The following MAP3K15 variants were observed in gnomAD, a reference collection of about 807,000 sequenced individuals.
MAP3K15 encodes the protein MAPK/ERK kinase kinase 15.
In MAP3K15, 124 loss-of-function variants were observed where a neutral mutation model predicts 99.5. The observed-to-expected ratio is 1.25, with a 90% CI of 1.08 to 1.45. The LOEUF is 1.45. MAP3K15 is among the 40% of genes most tolerant of loss of function. The pLI is 0.00. For synonymous variants in MAP3K15, 494 were observed against 439.6 expected, an observed-to-expected ratio of 1.12 and a Z score of -1.55; for missense variants, 1,242 against 1,079.7, an observed-to-expected ratio of 1.15 and a Z score of -2.11.
At chrX:19,391,674 CAAAAAAAAAA>C (rs759061873) in intron 18 of MAP3K15, among the ~76,000 whole-genome samples, 4 of 28,515 alleles carry the variant, frequency 1.4e-4, no homozygotes, top group East Asian at 2.4e-3. Flanking sequence ...GACCCCGTCT[CAAAAAAAAAA>C]AAAAAAAAAA....
chrX:19,391,219 C>A (rs1012483219), intron 18 of MAP3K15, among the ~76,000 whole-genome samples: 1 of 112,117 alleles, frequency 8.9e-6, no homozygotes, highest in East Asian at 2.8e-4. Context: ...TACCAGAATT[C>A]ACTACAGTAA....
At chrX:19,432,325 A>G (rs1410272413) in intron 6 of MAP3K15, among the ~76,000 whole-genome samples, 1 of 111,122 alleles carries the variant, frequency 9.0e-6, no homozygotes, top group Non-Finnish European at 1.9e-5. Flanking sequence ...GCACTTTGGG[A>G]GGCCAAGGCG....
intron 15 of MAP3K15, 59 bp from the exon 16 acceptor site, chrX:19,395,267 T>C (rs1028448055): frequency 7.1e-6 from 8 of 1,125,133 alleles, no homozygotes; most frequent in Non-Finnish European, 9.7e-6. Flanking sequence ...TAGAACCACA[T>C]CTCACCTCAC....
Position 19,409,666 on chromosome X carries a change from T to TA in MAP3K15, c.1748+257dup, listed in dbSNP as rs760323495. Among the ~76,000 whole-genome samples, 297 of 111,357 alleles carry TA rather than the reference T, an allele frequency of 2.7e-3. 1 individual carries two copies. Among genetic ancestry groups the TA allele is most frequent in the African/African-American group, 8.4e-3 (258 of 30,664 alleles). ...CTTCTCTTCCTACCGATCACTTCTT[T>TA]AAAAAAAATGGCACAAGTGAGTTTA... On this transcript the variant is annotated intron_variant, in intron 12 of 28. Coordinates refer to ENST00000338883, the MANE Select transcript of MAP3K15 (RefSeq NM_001001671.4).
intron 13 of MAP3K15, among the ~76,000 whole-genome samples, chrX:19,406,166 G>GA (rs1460974672): frequency 1.8e-5 from 2 of 111,113 alleles, no homozygotes; most frequent in Admixed American, 9.6e-5. Context: ...TATAAAATGG[G>GA]AAAATGGTCT....
intron 12 of MAP3K15, among the ~76,000 whole-genome samples, chrX:19,408,999 T>G (rs764765555): frequency 2.7e-5 from 3 of 112,399 alleles, no homozygotes; most frequent in Non-Finnish European, 3.8e-5. Flanking sequence ...TTTATTCCCT[T>G]TTCTGCTGCT....
chrX:19,419,773 G>A (rs1283719639), intron 9 of MAP3K15, among the ~76,000 whole-genome samples: 1 of 111,769 alleles, frequency 8.9e-6, no homozygotes, highest in East Asian at 2.8e-4. Flanking sequence ...TTTCAAAATT[G>A]ACCACATAGT....
rs184652660 is a variant in MAP3K15 at position 19,457,112 on chromosome X, C to T, written c.889-93G>A. 109 of 580,973 alleles carry T rather than the reference C, an allele frequency of 1.9e-4. No individual in the cohort carries two copies. The East Asian group carries it at 3.0e-3, about 16-fold the overall frequency. 47.9% of individuals were successfully genotyped at this position (580,973 alleles called of 1,213,427 possible). ...TTATAAACAGGAGACAGCCTCCGCA[C>T]TTAAAGACAGGCCCTTCCTTACAAA... is the stretch of plus-strand genomic sequence containing the variant. On this transcript the variant is annotated intron_variant, in intron 5 of 28. Coordinates refer to ENST00000338883, the MANE Select transcript of MAP3K15 (RefSeq NM_001001671.4).
chrX:19,472,117 C>T lies in MAP3K15; in HGVS notation c.526-7711G>A, dbSNP rs190307346. 5.6e-3 allele frequency among the ~76,000 whole-genome samples: 610 copies of T among 109,337 alleles called. 8 individuals carry two copies. The highest frequency in any genetic ancestry group is 0.019 in the African/African-American group (565 of 29,979). The allele number at this position is 109,337 out of a possible 115,157, so 94.9% of individuals were successfully genotyped here. On this transcript the variant is annotated intron_variant, in intron 3 of 28. Transcript: ENST00000338883. Reference sequence around the variant, plus strand: ...CAGGCTCCTGTAGTCCCAGCTACTCCGGAGGCTGAGGGAGAAGAATGGCAT... The same window carrying T: ...CAGGCTCCTGTAGTCCCAGCTACTCTGGAGGCTGAGGGAGAAGAATGGCAT...
chrX:19,363,656 GTT>G (rs775799924), intron 25 of MAP3K15, among the ~76,000 whole-genome samples: 2 of 93,900 alleles, frequency 2.1e-5, no homozygotes, highest in Non-Finnish European at 2.1e-5. Flanking sequence ...TTTTGTTTTT[GTT>G]TTTTTTTTTT....
intron 1 of MAP3K15, among the ~76,000 whole-genome samples, chrX:19,511,015 A>G (rs920850062): frequency 2.1e-4 from 23 of 111,797 alleles, no homozygotes; most frequent in African/African-American, 7.5e-4. Flanking sequence ...AAATAACGCC[A>G]CACATCTACA....
chrX:19,460,745 G>GT (rs1196740643), intron 4 of MAP3K15, among the ~76,000 whole-genome samples: 1 of 105,606 alleles, frequency 9.5e-6, no homozygotes, highest in Admixed American at 1.0e-4. Flanking sequence ...CAGATGTTCT[G>GT]TTTTTTTGTT....
chrX:19,495,626 T>G (rs754868916), intron 1 of MAP3K15, among the ~76,000 whole-genome samples: 1 of 111,601 alleles, frequency 9.0e-6, no homozygotes, highest in Admixed American at 9.6e-5. Context: ...GCAGCACATA[T>G]ATGCCAACTA....
At chrX:19,474,908 G>A (rs915003660) in intron 3 of MAP3K15, among the ~76,000 whole-genome samples, 11 of 110,835 alleles carry the variant, frequency 9.9e-5, no homozygotes, top group Non-Finnish European at 2.1e-4. Context: ...GTAATTCTTT[G>A]TATTTAAACA....
In MAP3K15 at chrX:19,403,460, C is replaced by CTTTTT. The variant is rs144389481; in HGVS notation, c.1845-2802_1845-2798dup. Among the ~76,000 whole-genome samples the CTTTTT allele has an allele frequency of 1.3e-3, 114 of 86,974 alleles. 2 individuals are homozygous for CTTTTT. The highest frequency in any genetic ancestry group is 4.8e-3 in the African/African-American group (104 of 21,751). 75.5% of individuals were successfully genotyped at this position (86,974 alleles called of 115,157 possible). On this transcript the variant is annotated intron_variant, in intron 13 of 28. Transcript: ENST00000338883. ...TCCCTAGTCTGCTATTTATTCTATT[C>CTTTTT]TTTTTTTTTTTTTTTTTTGACAGGA...
intron 1 of MAP3K15, among the ~76,000 whole-genome samples, chrX:19,514,113 A>AAC (rs374566582): frequency 0.017 from 1,867 of 110,642 alleles, 56 homozygotes; most frequent in African/African-American, 0.058. Flanking sequence ...AAGTAGAGGC[A>AAC]ACACACACAC....
intron 6 of MAP3K15, among the ~76,000 whole-genome samples, chrX:19,436,188 T>C (rs183781485): frequency 4.7e-5 from 5 of 107,426 alleles, no homozygotes; most frequent in African/African-American, 1.7e-4. Context: ...AAAAAAAAAA[T>C]TCAATCACCT....
intron 28 of MAP3K15, 47 bp downstream of exon 28, chrX:19,361,292 A>C: frequency 9.7e-7 from 1 of 1,025,963 alleles, no homozygotes; most frequent in South Asian, 2.1e-5. Context: ...GCATATTCAC[A>C]CATAAAAAGT....
At chrX:19,366,692 C>A (rs187978412) in intron 25 of MAP3K15, among the ~76,000 whole-genome samples, 100 of 112,173 alleles carry the variant, frequency 8.9e-4, no homozygotes, top group African/African-American at 3.1e-3. Flanking sequence ...CCTCGTGGAA[C>A]TGTAAGTCCA....
Sources: gnomAD v4.1 joint callset for allele counts (sites outside exome capture counted in the v4.1 genomes callset) on GRCh38, gnomAD v4.1.1 for gene constraint, MANE v1.5 for transcripts, NCBI Gene and HGNC (gene_info 2026-07-23, HGNC 2026-07-21) for gene names.